CDH18: variants seen among roughly 807,000 people sequenced by gnomAD.
The protein encoded by CDH18 is cadherin-18.
A neutral mutation model predicts 67.9 loss-of-function variants in CDH18; 31 were observed. That is an observed-to-expected ratio of 0.46 (90% confidence interval 0.34 to 0.62). The LOEUF (loss-of-function observed/expected upper bound fraction) is 0.62. Among genes scored for constraint, CDH18 ranks in the 20% least tolerant of loss-of-function variants. The pLI is 0.01. For missense variants in CDH18, 890 were observed against 975.5 expected, an observed-to-expected ratio of 0.91 and a Z score of 1.17; for synonymous variants, 362 against 347.2, an observed-to-expected ratio of 1.04 and a Z score of -0.48.
intron 2 of CDH18, among the ~76,000 whole-genome samples, chr5:19,971,354 T>A (rs915841602): frequency 5.9e-5 from 9 of 152,016 alleles, no homozygotes; most frequent in Non-Finnish European, 1.2e-4. Flanking sequence ...TTCACATACA[T>A]CACTTATAAA....
chr5:20,340,535 T>C (rs994627888), intron 1 of CDH18, among the ~76,000 whole-genome samples: 1 of 152,302 alleles, frequency 6.6e-6, no homozygotes, highest in Middle Eastern at 3.4e-3. Flanking sequence ...CTGTCCAGCC[T>C]GTGTTGGGGA....
chr5:19,873,205 A>AC (rs888318264), intron 2 of CDH18, among the ~76,000 whole-genome samples: 3 of 67,188 alleles, frequency 4.5e-5, no homozygotes, highest in Non-Finnish European at 1.2e-4. Context: ...ATCTTCTGAG[A>AC]AAAAAAAAAA....
intron 2 of CDH18, among the ~76,000 whole-genome samples, chr5:19,892,690 A>G (rs114930254): frequency 1.3e-3 from 205 of 152,214 alleles, no homozygotes; most frequent in African/African-American, 4.7e-3. Context: ...AAAGCCAGTT[A>G]TCAGATCACA....
intron 2 of CDH18, among the ~76,000 whole-genome samples, chr5:19,885,702 C>T (rs542539156): frequency 2.0e-5 from 3 of 152,238 alleles, no homozygotes; most frequent in South Asian, 4.1e-4. Flanking sequence ...GCTAGGACTA[C>T]AGGCATGCAC....
At chr5:20,354,490 C>T (rs1741447312) in intron 1 of CDH18, among the ~76,000 whole-genome samples, 1 of 152,210 alleles carries the variant, frequency 6.6e-6, no homozygotes, top group African/African-American at 2.4e-5. Context: ...TCTTCACTCA[C>T]TGCAACTTCC....
intron 9 of CDH18, among the ~76,000 whole-genome samples, chr5:19,531,616 C>T (rs971189234): frequency 8.2e-6 from 1 of 122,270 alleles, no homozygotes; most frequent in Admixed American, 8.8e-5. Flanking sequence ...TTCTCACACA[C>T]ACACACACAC....
chr5:19,975,478 A>AT (rs1309222303), intron 2 of CDH18, among the ~76,000 whole-genome samples: 1 of 152,130 alleles, frequency 6.6e-6, no homozygotes, highest in African/African-American at 2.4e-5. Flanking sequence ...GAGTGAATGT[A>AT]TTTTCAATGA....
At chr5:19,586,711 T>A (rs1744207360) in intron 7 of CDH18, among the ~76,000 whole-genome samples, 1 of 152,340 alleles carries the variant, frequency 6.6e-6, no homozygotes, top group Non-Finnish European at 1.5e-5. Context: ...GATATTCCTT[T>A]GGGTATATAC....
intron 3 of CDH18, among the ~76,000 whole-genome samples, chr5:19,776,466 G>A (rs982140045): frequency 6.6e-6 from 1 of 152,110 alleles, no homozygotes; most frequent in African/African-American, 2.4e-5. Context: ...GAAGAAAGAG[G>A]AGGAAGAGGA....
At chr5:20,555,542 T>G (rs1306449961) in intron 1 of CDH18, among the ~76,000 whole-genome samples, 1 of 150,658 alleles carries the variant, frequency 6.6e-6, no homozygotes, top group Non-Finnish European at 1.5e-5. Context: ...CCTCCCTGGT[T>G]CAAGTGATTC....
intron 2 of CDH18, among the ~76,000 whole-genome samples, chr5:19,970,572 T>A (rs1797926920): frequency 6.6e-6 from 1 of 151,576 alleles, no homozygotes; most frequent in Admixed American, 6.6e-5. Flanking sequence ...TATTACTGTA[T>A]TACGTTTTCT....
rs1319437624 is a variant in CDH18 at position 20,509,551 on chromosome 5, C to T, written c.-580+65911G>A. ...TCAGCCTCCCTAGTATCTGGGACTA[C>T]AGGTGCGTGCCACCACGCCCAGTTT... is the stretch of plus-strand genomic sequence containing the variant. On this transcript the variant is annotated intron_variant, in intron 1 of 14. Coordinates refer to the CDH18 transcript ENST00000507958. Among the ~76,000 whole-genome samples the T allele has an allele frequency of 3.6e-5, 5 of 138,590 alleles. No homozygotes were observed. The East Asian group carries it at 8.6e-4, about 24-fold the overall frequency. The allele number at this position is 138,590 out of a possible 152,430, so 90.9% of individuals were successfully genotyped here.
Position 20,267,201 on chromosome 5 carries a change from A to C in CDH18, c.-579-11696T>G, listed in dbSNP as rs182714467. Among the ~76,000 whole-genome samples, 18 of 152,362 alleles carry C rather than the reference A, an allele frequency of 1.2e-4. No homozygotes were observed. In the East Asian group the frequency reaches 3.1e-3, roughly 26 times the overall value. On this transcript the variant is annotated intron_variant, in intron 1 of 14. Transcript: ENST00000507958. ...TTCCTAAAAACGAGGTCCGTTTCCC[A>C]AAGTATGTTCTTATCATCTTTGTCA...
intron 6 of CDH18, among the ~76,000 whole-genome samples, chr5:19,592,315 G>A (rs957886571): frequency 1.3e-5 from 2 of 151,868 alleles, no homozygotes. Flanking sequence ...ATTAAATGTC[G>A]AATGGAACCG....
At chr5:19,521,134 G>GT (rs1692045993) in intron 9 of CDH18, among the ~76,000 whole-genome samples, 1 of 152,100 alleles carries the variant, frequency 6.6e-6, no homozygotes, top group Non-Finnish European at 1.5e-5. Context: ...ACAGCAGTTG[G>GT]TAAAAAATAA....
intron 1 of CDH18, among the ~76,000 whole-genome samples, chr5:20,437,008 C>CA (rs1749218966): frequency 6.7e-6 from 1 of 148,902 alleles, no homozygotes; most frequent in Admixed American, 6.6e-5. Context: ...AAAAAATGTA[C>CA]AAAGAAAATA....
At chr5:19,497,824 C>T (rs575848245) in intron 11 of CDH18, among the ~76,000 whole-genome samples, 75 of 152,176 alleles carry the variant, frequency 4.9e-4, no homozygotes, top group Admixed American at 9.2e-4. Context: ...AATAGTTGCT[C>T]GTAGGAGTTA....
chr5:19,962,395 A>AAAAAAAAAAAAAAAACAAT (rs58319680), intron 2 of CDH18, among the ~76,000 whole-genome samples: 1 of 117,058 alleles, frequency 8.5e-6, no homozygotes, highest in Non-Finnish European at 1.7e-5. Flanking sequence ...AAAAAAAAAA[A>AAAAAAAAAAAAAAAACAAT]AGAAAATTCA....
At chr5:19,535,173 A>T (rs961512082) in intron 9 of CDH18, among the ~76,000 whole-genome samples, 2 of 152,236 alleles carry the variant, frequency 1.3e-5, no homozygotes, top group African/African-American at 4.8e-5. Flanking sequence ...GTTTTCTGTT[A>T]CTACATTATG....
Sources: allele counts gnomAD v4.1 joint callset (sites outside exome capture counted in the v4.1 genomes callset), GRCh38; gene constraint gnomAD v4.1.1; transcripts MANE v1.5; gene names NCBI Gene and HGNC (gene_info 2026-07-23, HGNC 2026-07-21).